The following MYBPC1 variants were observed in gnomAD, a reference collection of about 807,000 sequenced individuals.
The protein encoded by MYBPC1 is myosin binding protein C1, also known as myosin-binding protein C, slow-type.
Under a neutral mutation model 147.1 loss-of-function variants are expected in MYBPC1, and 52 were observed. The observed-to-expected ratio is 0.35, with a 90% CI of 0.28 to 0.45. MYBPC1 has a LOEUF of 0.45. MYBPC1 is among the 20% of genes least tolerant of loss of function. The pLI, the probability that MYBPC1 is intolerant of heterozygous loss-of-function variation, is 1.00. For synonymous variants in MYBPC1, 477 were observed against 475.9 expected, an observed-to-expected ratio of 1.00 and a Z score of -0.03; for missense variants, 1,228 against 1,440.3, an observed-to-expected ratio of 0.85 and a Z score of 2.39.
At position 101,658,448 on chromosome 12, in the gene MYBPC1, T is replaced by TGA. The variant is rs1180185469; in HGVS notation, c.1768-1221_1768-1220dup. Among the ~76,000 whole-genome samples, 37 of 151,716 alleles carry TGA rather than the reference T, an allele frequency of 2.4e-4. No homozygotes were observed. In the Middle Eastern group the frequency reaches 0.01, roughly 42 times the overall value. On this transcript the variant is annotated intron_variant, in intron 18 of 31. Transcript: ENST00000361466. The stretch of plus-strand genomic sequence containing the variant: ...CAACAGCTAAAGTTATACTTAACAG[T>TGA]GAGAAACTTGACGCTTTCCTACCAA...
At chr12:101,603,397 G>T (rs1880894492) in intron 1 of MYBPC1, among the ~76,000 whole-genome samples, 1 of 151,914 alleles carries the variant, frequency 6.6e-6, no homozygotes, top group Non-Finnish European at 1.5e-5. Context: ...CTTTTTGGTG[G>T]ATAGGGTCTT....
chr12:101,618,638 G>T (rs1886688796), intron 3 of MYBPC1, among the ~76,000 whole-genome samples: 1 of 152,156 alleles, frequency 6.6e-6, no homozygotes, highest in Admixed American at 6.5e-5. Context: ...AATTTGAAAA[G>T]TCACCATATT....
intron 1 of MYBPC1, among the ~76,000 whole-genome samples, chr12:101,599,633 T>C (rs1449632657): frequency 1.3e-5 from 2 of 152,166 alleles, no homozygotes; most frequent in Non-Finnish European, 2.9e-5. Context: ...ACAAATATTA[T>C]CCTTACCTCA....
rs1898376574 is a variant in MYBPC1 at position 101,670,354 on chromosome 12, A to G, written c.2558A>G (p.Lys853Arg). The change falls in exon 24 of 32, where the codon AAG becomes AGG. Residue 853 changes from lysine (K) to arginine (R), a missense_variant. This residue lies in a region of MYBPC1 where 1,077 missense variants were observed against 1,314.2 expected (regional missense o/e 0.82). Transcript: ENST00000361466. The stretch of plus-strand genomic sequence containing the variant: ...AAGATTCGCATTCCAAGACACCTGA[A>G]GCAAACCTATATCCGCAGAGTTGGA... The part of the protein sequence containing the change: ...PPKIRIPRHL[K>R]QTYIRRVGEA... 5 of 1,614,130 alleles carry G rather than the reference A, an allele frequency of 3.1e-6. No homozygotes were observed. Among genetic ancestry groups the G allele is most frequent in the Non-Finnish European group, 4.2e-6 (5 of 1,179,966 alleles).
At chr12:101,687,878 C>T (rs1399195301), downstream of MYBPC1, among the ~76,000 whole-genome samples, 2 of 152,144 alleles carry the variant, frequency 1.3e-5, no homozygotes, top group Non-Finnish European at 2.9e-5. Flanking sequence ...GACTTAGGCT[C>T]TTTAATTATA....
chr12:101,613,110 A>T (rs1364204439), intron 1 of MYBPC1, among the ~76,000 whole-genome samples: 2 of 152,232 alleles, frequency 1.3e-5, no homozygotes, highest in Non-Finnish European at 2.9e-5. Flanking sequence ...AAAAGTTTTT[A>T]AAAAACAATA....
chr12:101,628,197 A>T (rs1889062836), intron 5 of MYBPC1: 1 of 287,816 alleles, frequency 3.5e-6, no homozygotes, highest in African/African-American at 2.2e-5. Context: ...GAAGTCATTC[A>T]TTCATTCATT....
chr12:101,663,534 A>G lies in MYBPC1; in HGVS notation c.2330A>G (p.Tyr777Cys), dbSNP rs780649752. 6.2e-6 allele frequency: 10 copies of G among 1,613,944 alleles called. No homozygotes were observed. Among genetic ancestry groups the G allele is most frequent in the South Asian group, 1.1e-5 (1 of 91,070 alleles). The change falls in exon 22 of 32, where the codon TAT becomes TGT. Residue 777 changes from tyrosine to cysteine, a missense_variant. Around this residue, in one of 2 missense-constraint regions of MYBPC1, gnomAD observed 1,077 missense variants for 1,314.2 expected, o/e 0.82. Coordinates refer to ENST00000361466, the MANE Select transcript of MYBPC1 (RefSeq NM_002465.4). ...ATTGGTGCAGCAGGTTTAGATGGCTATGTGCTAGAGTATTGCTTTGAAGGA... is the reference window on the plus strand; with the variant it reads ...ATTGGTGCAGCAGGTTTAGATGGCTGTGTGCTAGAGTATTGCTTTGAAGGA... ...DHIGAAGLDGYVLEYCFEGTE... is the reference protein window; with the variant it reads ...DHIGAAGLDGCVLEYCFEGTE...
chr12:101,632,436 G>T (rs546189329), intron 8 of MYBPC1, among the ~76,000 whole-genome samples: 2 of 152,300 alleles, frequency 1.3e-5, no homozygotes, highest in South Asian at 2.1e-4. Context: ...TATGTTTCAA[G>T]GGGTCCACTT....
In MYBPC1 at chr12:101,659,043, AAAAG is replaced by A. The variant is rs373592774; in HGVS notation, c.1768-626_1768-623del. On this transcript the variant is annotated intron_variant, in intron 18 of 31. Transcript: ENST00000361466. The stretch of plus-strand genomic sequence containing the variant: ...TAAGAAAGAAGAAAAAAAGTGAAAA[AAAAG>A]AAGAAGAAAATAAAAGAAAGAAAAT... Among the ~76,000 whole-genome samples, 457 of 152,316 alleles carry A rather than the reference AAAAG, an allele frequency of 3.0e-3. 4 individuals are homozygous for A. The highest frequency in any genetic ancestry group is 0.01 in the African/African-American group (425 of 41,560).
Position 101,673,639 on chromosome 12 carries a change from G to A in MYBPC1, c.2809+17G>A. 6.2e-7 allele frequency: 1 copy of A among 1,613,952 alleles called. No homozygotes were observed. The highest frequency in any genetic ancestry group is 1.1e-5 in the South Asian group (1 of 91,068). On this transcript the variant is annotated intron_variant, in intron 25 of 31. Transcript: ENST00000361466. ...AGATCATTGGTAGGTTTAGATGAAGGAGCCAGAAAGTTCTGTCAAAGCAGT... is the reference window on the plus strand; with the variant it reads ...AGATCATTGGTAGGTTTAGATGAAGAAGCCAGAAAGTTCTGTCAAAGCAGT...
Position 101,682,503 on chromosome 12 carries a change from A to T in MYBPC1, c.3434-101A>T. The stretch of plus-strand genomic sequence containing the variant: ...TGAAATTGTTTATCATCAGACTGTT[A>T]CTCTGATAATAGGTAACTTGAATCA... On this transcript the variant is annotated intron_variant, in intron 29 of 31. Transcript: ENST00000361466. The T allele has an allele frequency of 1.3e-5, 14 of 1,078,194 alleles. 1 individual carries two copies. The South Asian group carries it at 1.8e-4, about 14-fold the overall frequency. The allele number at this position is 1,078,194 out of a possible 1,614,324, so 66.8% of individuals were successfully genotyped here.
rs759901200 is a variant in MYBPC1 at position 101,636,756 on chromosome 12, T to C, written c.665+28T>C. 7 of 1,602,622 alleles carry C rather than the reference T, an allele frequency of 4.4e-6. No individual in the cohort carries two copies. The Middle Eastern group carries it at 4.9e-4, about 113-fold the overall frequency. ...GAGAACAAAGTGATGGAGTGAGACATTGTGGCCTGGAAGTCTTTCAGACAC... is the reference window on the plus strand; with the variant it reads ...GAGAACAAAGTGATGGAGTGAGACACTGTGGCCTGGAAGTCTTTCAGACAC... On this transcript the variant is annotated intron_variant, in intron 10 of 31. Transcript: ENST00000361466.
intron 18 of MYBPC1, 80 bp from the exon 19 acceptor site, chr12:101,659,592 A>G: frequency 6.8e-7 from 1 of 1,460,308 alleles, no homozygotes; most frequent in Admixed American, 1.7e-5. Context: ...AGTCTGCTGA[A>G]TTGCTCAATT....
Position 101,677,321 on chromosome 12 carries a change from C to T in MYBPC1, c.3036C>T (p.Val1012=), listed in dbSNP as rs1356477070. ...TAGGGAATGAATATTACTTCCGGGT[C>T]TTTTCTGAAAACATGTGTGGCCTCA... ...LVIGNEYYFR[V]FSENMCGLSE... The change falls in exon 27 of 32, where the codon GTC becomes GTT. Residue 1012 remains valine, a synonymous_variant. Coordinates refer to ENST00000361466, the MANE Select transcript of MYBPC1 (RefSeq NM_002465.4). The T allele has an allele frequency of 1.2e-6, 2 of 1,613,940 alleles. No individual in the cohort carries two copies. The highest frequency in any genetic ancestry group is 1.7e-6 in the Non-Finnish European group (2 of 1,179,938).
chr12:101,671,813 G>A (rs1216866502), intron 24 of MYBPC1, among the ~76,000 whole-genome samples: 1 of 152,172 alleles, frequency 6.6e-6, no homozygotes, highest in African/African-American at 2.4e-5. Context: ...CATAGATCTG[G>A]CATCCCAGAG....
intron 14 of MYBPC1, among the ~76,000 whole-genome samples, chr12:101,648,910 T>A (rs1221177625): frequency 6.6e-6 from 1 of 151,834 alleles, no homozygotes; most frequent in African/African-American, 2.4e-5. Context: ...TTGTTCATTC[T>A]AATAGAGAAT....
In MYBPC1 at chr12:101,646,778, C is replaced by G; in HGVS notation, c.981C>G (p.His327Gln). 1 of 1,612,812 alleles carries G rather than the reference C, an allele frequency of 6.2e-7. No individual in the cohort carries two copies. The highest frequency in any genetic ancestry group is 8.5e-7 in the Non-Finnish European group (1 of 1,178,760). ...IRPSTKYIFE[H>Q]KGCQRILFIN... Reference sequence around the variant, plus strand: ...TTCAAAACAGATACATCTTTGAACACAAAGGATGCCAGAGAATCCTGTTTA... The same window carrying G: ...TTCAAAACAGATACATCTTTGAACAGAAAGGATGCCAGAGAATCCTGTTTA... Residue 327 changes from histidine (H) to glutamine (Q), a missense_variant, in exon 13 of 32, where the codon CAC (histidine) becomes CAG (glutamine). Coordinates refer to ENST00000361466, the MANE Select transcript of MYBPC1 (RefSeq NM_002465.4).
chr12:101,629,373 T>C, intron 5 of MYBPC1, 61 bp from the exon 6 acceptor site: 1 of 1,147,030 alleles, frequency 8.7e-7, no homozygotes, highest in East Asian at 2.3e-5. Context: ...CAAATCCAGG[T>C]AAGACTGCCT....
Sources: allele counts gnomAD v4.1 joint callset (sites outside exome capture counted in the v4.1 genomes callset), GRCh38; gene constraint gnomAD v4.1.1; regional missense constraint gnomAD v4.1.1; transcripts MANE v1.5; gene names NCBI Gene and HGNC (gene_info 2026-07-23, HGNC 2026-07-21).